Variants in NRG3 observed in about 807,000 individuals in gnomAD.
NRG3 encodes the protein neuregulin 3, also known as pro-neuregulin-3, membrane-bound isoform.
A neutral mutation model predicts 66.9 loss-of-function variants in NRG3; 31 were observed. That is an observed-to-expected ratio of 0.46 (90% CI 0.35 to 0.63). The LOEUF is 0.63. Ranked by LOEUF, NRG3 falls within the 20% of genes least tolerant of loss-of-function variation. The pLI is 0.00. For synonymous variants in NRG3, 393 were observed against 359.4 expected (o/e 1.09, Z -1.06); for missense variants, 910 against 878.9 (o/e 1.04, Z -0.45).
At chr10:82,017,648 G>A (rs996955441) in intron 1 of NRG3, among the ~76,000 whole-genome samples, 5 of 152,088 alleles carry the variant, frequency 3.3e-5, no homozygotes, top group African/African-American at 9.7e-5. Flanking sequence ...GTGTGAGATG[G>A]TATCTCATTG....
chr10:81,969,772 A>AGTGTGTGT (rs151308270), intron 1 of NRG3, among the ~76,000 whole-genome samples: 3 of 144,994 alleles, frequency 2.1e-5, no homozygotes, highest in African/African-American at 7.4e-5. Context: ...GGACATTTTG[A>AGTGTGTGT]GTGTGTGTGT....
intron 2 of NRG3, among the ~76,000 whole-genome samples, chr10:82,694,571 T>C (rs1206371140): frequency 6.6e-6 from 1 of 151,934 alleles, no homozygotes; most frequent in African/African-American, 2.4e-5. Context: ...ACTGGGAGTA[T>C]AGTGAAACCC....
intron 5 of NRG3, among the ~76,000 whole-genome samples, chr10:82,956,435 G>A (rs1193778685): frequency 6.6e-6 from 1 of 151,906 alleles, no homozygotes; most frequent in Non-Finnish European, 1.5e-5. Context: ...TGTGAGAGAG[G>A]AGGGATGGTA....
chr10:82,673,754 G>A (rs986327588), intron 2 of NRG3, among the ~76,000 whole-genome samples: 7 of 152,150 alleles, frequency 4.6e-5, no homozygotes, highest in African/African-American at 1.2e-4. Flanking sequence ...CTTTGCAGTC[G>A]GGATCCATGT....
intron 1 of NRG3, among the ~76,000 whole-genome samples, chr10:82,092,357 C>T (rs552119548): frequency 6.6e-6 from 1 of 151,984 alleles, no homozygotes; most frequent in African/African-American, 2.4e-5. Flanking sequence ...TGTTAAAAAT[C>T]CATTATCCCC....
At chr10:82,677,551 TCTCC>T (rs2053799674) in intron 2 of NRG3, among the ~76,000 whole-genome samples, 1 of 152,184 alleles carries the variant, frequency 6.6e-6, no homozygotes, top group African/African-American at 2.4e-5. Flanking sequence ...ATGGCCATTT[TCTCC>T]CTCTTTCTTT....
At chr10:81,965,933 T>A (rs985432480) in intron 1 of NRG3, among the ~76,000 whole-genome samples, 7 of 152,124 alleles carry the variant, frequency 4.6e-5, no homozygotes, top group Non-Finnish European at 8.8e-5. Context: ...TTGAATAAGA[T>A]AAGATGATGG....
chr10:82,289,232 C>G (rs11598994), intron 1 of NRG3, among the ~76,000 whole-genome samples: 2,958 of 149,382 alleles, frequency 0.02, 98 homozygotes, highest in South Asian at 0.034. Flanking sequence ...GCTCTAGAGA[C>G]AAAGGTAACA....
chr10:82,174,036 C>T (rs978234576), intron 1 of NRG3, among the ~76,000 whole-genome samples: 3 of 152,160 alleles, frequency 2.0e-5, no homozygotes, highest in African/African-American at 7.2e-5. Flanking sequence ...TGGACTATTA[C>T]AGTGGCTACC....
chr10:82,436,314 C>CT (rs2090135860), intron 2 of NRG3, among the ~76,000 whole-genome samples: 2 of 151,994 alleles, frequency 1.3e-5, no homozygotes, highest in Admixed American at 1.3e-4. Flanking sequence ...TCTTTTTTAT[C>CT]TTTGTTGGCT....
At chr10:82,283,802 A>T (rs2079254630) in intron 1 of NRG3, among the ~76,000 whole-genome samples, 1 of 152,090 alleles carries the variant, frequency 6.6e-6, no homozygotes, top group Non-Finnish European at 1.5e-5. Flanking sequence ...CAATTCACAA[A>T]ATTGAAAGAT....
At chr10:82,485,948 A>G (rs371217868) in intron 2 of NRG3, among the ~76,000 whole-genome samples, 3 of 152,190 alleles carry the variant, frequency 2.0e-5, no homozygotes, top group Non-Finnish European at 2.9e-5. Flanking sequence ...CAACTCAATA[A>G]CAAAAAAGTA....
chr10:82,529,065 C>T (rs1283079929), intron 2 of NRG3, among the ~76,000 whole-genome samples: 1 of 152,174 alleles, frequency 6.6e-6, no homozygotes, highest in East Asian at 1.9e-4. Context: ...ATAGTCTTAC[C>T]TAAGAGCAAG....
intron 1 of NRG3, among the ~76,000 whole-genome samples, chr10:82,201,150 A>G (rs959276657): frequency 1.4e-5 from 2 of 147,520 alleles, no homozygotes; most frequent in Non-Finnish European, 3.0e-5. Flanking sequence ...GTGAGCCAAG[A>G]TCGCACCAGC....
chr10:82,269,237 G>A (rs1298794391), intron 1 of NRG3, among the ~76,000 whole-genome samples: 1 of 152,096 alleles, frequency 6.6e-6, no homozygotes, highest in Non-Finnish European at 1.5e-5. Context: ...CTAATAGGAG[G>A]TGGTTGTCTA....
intron 2 of NRG3, among the ~76,000 whole-genome samples, chr10:82,466,805 G>T (rs1840721278): frequency 6.6e-6 from 1 of 151,870 alleles, no homozygotes. Flanking sequence ...GAGGAACATG[G>T]CATAGCCTGG....
intron 1 of NRG3, among the ~76,000 whole-genome samples, chr10:82,166,084 G>A (rs896673740): frequency 2.6e-5 from 4 of 151,754 alleles, no homozygotes; most frequent in East Asian, 1.9e-4. Flanking sequence ...GTGCAACAGC[G>A]CGATCTCAGC....
intron 2 of NRG3, among the ~76,000 whole-genome samples, chr10:82,366,919 G>A (rs184519726): frequency 6.6e-6 from 1 of 152,250 alleles, no homozygotes; most frequent in Non-Finnish European, 1.5e-5. Flanking sequence ...CTTTACGAAA[G>A]CCTACAGAAA....
chr10:82,351,959 C>T (rs1211531453), intron 1 of NRG3, among the ~76,000 whole-genome samples: 1 of 152,226 alleles, frequency 6.6e-6, no homozygotes, highest in Non-Finnish European at 1.5e-5. Flanking sequence ...ACATAGCATT[C>T]AATCCTTAAT....
Sources: allele counts gnomAD v4.1 joint callset (sites outside exome capture counted in the v4.1 genomes callset), GRCh38; gene constraint gnomAD v4.1.1; transcripts MANE v1.5; gene names NCBI Gene and HGNC (gene_info 2026-07-23, HGNC 2026-07-21).